Variants in DLG2 observed in about 807,000 individuals in gnomAD.
DLG2 encodes the protein disks large homolog 2.
A neutral mutation model predicts 132.5 loss-of-function variants in DLG2; 45 were observed. The observed-to-expected ratio is 0.34, with a 90% CI of 0.27 to 0.44. The LOEUF (loss-of-function observed/expected upper bound fraction) is 0.44, where lower values mean the gene tolerates loss of function less well. Ranked by LOEUF, DLG2 falls within the 20% of genes least tolerant of loss-of-function variation. The pLI is 1.00. For synonymous variants in DLG2, 424 were observed against 419.6 expected (o/e 1.01, Z -0.13); for missense variants, 1,045 against 1,196.9 (o/e 0.87, Z 1.87).
intron 9 of DLG2, among the ~76,000 whole-genome samples, chr11:84,116,372 G>A (rs1376954670): frequency 6.6e-6 from 1 of 152,154 alleles, no homozygotes; most frequent in Non-Finnish European, 1.5e-5. Flanking sequence ...ATTCTCAAGT[G>A]GCTAATAAAG....
At chr11:84,271,603 C>T (rs1004449061) in intron 7 of DLG2, among the ~76,000 whole-genome samples, 2 of 152,200 alleles carry the variant, frequency 1.3e-5, no homozygotes, top group Non-Finnish European at 2.9e-5. Flanking sequence ...TTGATTTAGT[C>T]ATTCCTCACT....
rs1389987705 is a variant in DLG2, at chr11:83,953,634, A to G, written c.1340+9251T>C. On this transcript the variant is annotated intron_variant, in intron 14 of 27. Coordinates refer to ENST00000376104, the MANE Select transcript of DLG2 (RefSeq NM_001142699.3). ...TTGCAAAGTGTCATGGACAATTGCT[A>G]AAGTATACATCTGTGGGCAATTAGG... Among the ~76,000 whole-genome samples, 4 of 152,360 alleles carry G rather than the reference A, an allele frequency of 2.6e-5. No homozygotes were observed. The East Asian group carries it at 7.7e-4, about 29-fold the overall frequency.
intron 4 of DLG2, among the ~76,000 whole-genome samples, chr11:85,194,951 A>T (rs552760761): frequency 2.0e-5 from 3 of 152,198 alleles, no homozygotes; most frequent in Non-Finnish European, 4.4e-5. Flanking sequence ...GAAAGTACAA[A>T]AAGTCTGGTA....
chr11:85,150,010 ATTTT>A (rs962380618), intron 5 of DLG2, among the ~76,000 whole-genome samples: 4 of 112,308 alleles, frequency 3.6e-5, no homozygotes, highest in African/African-American at 7.7e-5. Context: ...TCAGTTTTTA[ATTTT>A]TTTTTTTTTT....
chr11:85,037,373 A>G (rs1051168169), intron 6 of DLG2, among the ~76,000 whole-genome samples: 1 of 152,184 alleles, frequency 6.6e-6, no homozygotes, highest in South Asian at 2.1e-4. Context: ...TTCTTCCTTT[A>G]TAAGTTGAGG....
chr11:83,816,492 G>T (rs1022569146), intron 17 of DLG2, among the ~76,000 whole-genome samples: 1 of 151,708 alleles, frequency 6.6e-6, no homozygotes. Flanking sequence ...CTGAACCTCA[G>T]TTTTTTTTCA....
intron 7 of DLG2, among the ~76,000 whole-genome samples, chr11:84,277,824 T>G (rs573633168): frequency 6.6e-6 from 1 of 152,196 alleles, no homozygotes; most frequent in Admixed American, 6.5e-5. Context: ...AAACAAATTA[T>G]CAAAATCAAG....
chr11:84,576,570 T>C (rs575684015), intron 6 of DLG2, among the ~76,000 whole-genome samples: 2 of 152,244 alleles, frequency 1.3e-5, no homozygotes, highest in South Asian at 4.2e-4. Context: ...CATATTGCAG[T>C]CACTTAATAA....
At chr11:84,630,347 G>A (rs2099629408) in intron 6 of DLG2, among the ~76,000 whole-genome samples, 1 of 152,106 alleles carries the variant, frequency 6.6e-6, no homozygotes, top group Non-Finnish European at 1.5e-5. Context: ...GGTTAGGTTT[G>A]GGGTAGCTCT....
chr11:83,770,141 T>A (rs189504749), intron 18 of DLG2, among the ~76,000 whole-genome samples: 384 of 152,246 alleles, frequency 2.5e-3, no homozygotes, highest in African/African-American at 9.0e-3. Context: ...TACTCTCTCA[T>A]CTTGCTCTTT....
intron 19 of DLG2, among the ~76,000 whole-genome samples, chr11:83,588,652 C>G (rs1029212575): frequency 6.6e-6 from 1 of 151,442 alleles, no homozygotes; most frequent in Non-Finnish European, 1.5e-5. Context: ...ATGACTTTGA[C>G]GAGCTGAGAG....
intron 11 of DLG2, among the ~76,000 whole-genome samples, chr11:83,986,978 A>T (rs1412760485): frequency 2.6e-5 from 4 of 152,130 alleles, no homozygotes; most frequent in Non-Finnish European, 5.9e-5. Context: ...TCAGATAAGT[A>T]GGTTGCGAAA....
At chr11:84,919,262 A>G (rs2092643843) in intron 6 of DLG2, among the ~76,000 whole-genome samples, 1 of 152,162 alleles carries the variant, frequency 6.6e-6, no homozygotes, top group African/African-American at 2.4e-5. Flanking sequence ...ACTGCTTATA[A>G]CAGCTAAGAG....
At chr11:85,158,912 A>C (rs910489162) in intron 4 of DLG2, among the ~76,000 whole-genome samples, 7 of 152,204 alleles carry the variant, frequency 4.6e-5, no homozygotes, top group African/African-American at 1.7e-4. Context: ...GAATTATAAA[A>C]ACAGAATCAT....
chr11:85,002,900 C>T (rs181884691), intron 6 of DLG2, among the ~76,000 whole-genome samples: 99 of 151,982 alleles, frequency 6.5e-4, no homozygotes, highest in African/African-American at 2.3e-3. Context: ...TATATTTTCT[C>T]TTTCTTATTA....
chr11:84,961,986 C>A (rs1300715097), intron 6 of DLG2, among the ~76,000 whole-genome samples: 1 of 152,196 alleles, frequency 6.6e-6, no homozygotes, highest in Non-Finnish European at 1.5e-5. Flanking sequence ...CTGCCACTGA[C>A]AGGGTGCTAT....
chr11:85,375,198 G>T (rs1462926344), intron 3 of DLG2, among the ~76,000 whole-genome samples: 1 of 151,556 alleles, frequency 6.6e-6, no homozygotes, highest in Non-Finnish European at 1.5e-5. Flanking sequence ...TGACCAAACT[G>T]ATCAAATATC....
intron 6 of DLG2, among the ~76,000 whole-genome samples, chr11:84,843,344 T>C (rs978132164): frequency 6.6e-6 from 1 of 151,876 alleles, no homozygotes; most frequent in African/African-American, 2.4e-5. Flanking sequence ...TAAATTCTTA[T>C]TCCACCACTT....
intron 18 of DLG2, among the ~76,000 whole-genome samples, chr11:83,777,849 T>C (rs2094648707): frequency 6.6e-6 from 1 of 152,210 alleles, no homozygotes; most frequent in African/African-American, 2.4e-5. Flanking sequence ...TTTGATGGCA[T>C]GTTTTAATCA....
Sources: allele counts gnomAD v4.1 joint callset (sites outside exome capture counted in the v4.1 genomes callset), GRCh38; gene constraint gnomAD v4.1.1; transcripts MANE v1.5; gene names NCBI Gene and HGNC (gene_info 2026-07-23, HGNC 2026-07-21).